Variants in LPIN3 observed in about 807,000 individuals in gnomAD.
LPIN3 encodes the protein lipin 3.
In LPIN3, 82 loss-of-function variants were observed where a neutral mutation model predicts 94.7. The observed-to-expected ratio is 0.87, with a 90% CI of 0.72 to 1.04. The LOEUF (loss-of-function observed/expected upper bound fraction) is 1.04. Among genes scored for constraint, LPIN3 ranks in the 50% least tolerant of loss-of-function variants. LPIN3 has a pLI of 0.00. For missense variants in LPIN3, 996 were observed against 1,090.5 expected, an observed-to-expected ratio of 0.91 and a Z score of 1.22; for synonymous variants, 418 against 443.3, an observed-to-expected ratio of 0.94 and a Z score of 0.72.
At chr20:41,354,250 G>A (rs1348630363) in intron 11 of LPIN3, among the ~76,000 whole-genome samples, 1 of 152,188 alleles carries the variant, frequency 6.6e-6, no homozygotes, top group Non-Finnish European at 1.5e-5. Flanking sequence ...TGGAGGTTGA[G>A]GGGAGTACCA....
At chr20:41,347,501 G>A (rs768701770) in intron 2 of LPIN3, 51 bp from the exon 3 acceptor site, 35 of 1,572,292 alleles carry the variant, frequency 2.2e-5, no homozygotes, top group Admixed American at 1.2e-4. Context: ...GCCTGTGGTC[G>A]GAAGCATGGG....
chr20:41,357,320 C>G, intron 15 of LPIN3, 41 bp from the exon 16 acceptor site: 1 of 1,605,378 alleles, frequency 6.2e-7, no homozygotes, highest in Non-Finnish European at 8.5e-7. Context: ...AGCTGGGCCA[C>G]GTGGAGCTGC....
rs1299812542 is a variant in LPIN3 at position 41,358,376 on chromosome 20, T to C, written c.2307+25T>C. 1.9e-6 allele frequency: 3 copies of C among 1,613,620 alleles called. No homozygotes were observed. In the Admixed American group the frequency reaches 5.0e-5, roughly 27 times the overall value. Reference sequence around the variant, plus strand: ...TGTGAGTGTGTCCCCTCCACTCTGCTGAGCCACCTCTCCCCAGCTGCCTGC... The same window carrying C: ...TGTGAGTGTGTCCCCTCCACTCTGCCGAGCCACCTCTCCCCAGCTGCCTGC... On this transcript the variant is annotated intron_variant, in intron 18 of 19. Coordinates refer to ENST00000373257, the MANE Select transcript of LPIN3 (RefSeq NM_022896.3).
chr20:41,357,753 C>G, intron 16 of LPIN3, 129 bp from the exon 17 acceptor site: 1 of 1,279,378 alleles, frequency 7.8e-7, no homozygotes, highest in East Asian at 2.4e-5. Flanking sequence ...CCGTTCTCTT[C>G]AAGTCCCCTC....
intron 9 of LPIN3, 64 bp from the exon 10 acceptor site, chr20:41,352,542 G>A: frequency 7.1e-7 from 1 of 1,401,124 alleles, no homozygotes; most frequent in Non-Finnish European, 1.0e-6. Context: ...GAGCACCAGG[G>A]GGCTGGGGCA....
At chr20:41,343,061 G>A (rs952423161) in intron 1 of LPIN3, among the ~76,000 whole-genome samples, 1 of 152,126 alleles carries the variant, frequency 6.6e-6, no homozygotes, top group African/African-American at 2.4e-5. Flanking sequence ...CTGGAGCTGC[G>A]GGGGATGAAG....
chr20:41,357,007 A>C (rs1415590397), intron 14 of LPIN3, 33 bp from the exon 15 acceptor site: 1 of 1,599,798 alleles, frequency 6.3e-7, no homozygotes, highest in African/African-American at 1.3e-5. Flanking sequence ...GGCTGTCATC[A>C]ATCACGACAC....
intron 2 of LPIN3, among the ~76,000 whole-genome samples, chr20:41,347,280 C>T (rs181700668): frequency 6.6e-6 from 1 of 152,184 alleles, no homozygotes. Flanking sequence ...AAGACCGAGA[C>T]AGTGACAAGT....
intron 1 of LPIN3, among the ~76,000 whole-genome samples, chr20:41,341,833 C>T (rs372651811): frequency 9.2e-5 from 14 of 152,206 alleles, no homozygotes; most frequent in African/African-American, 2.9e-4. Context: ...AAAAATTAGC[C>T]GGGTGTGGTG....
Position 41,350,369 on chromosome 20 carries a change from G to C in LPIN3, c.1074G>C (p.Gly358=). The stretch of plus-strand genomic sequence containing the variant: ...CTCTGGAGGTTCCAGTTCCCACCGG[G>C]CAGCCAGAGAGGGTCTCCAGGGGGA... ...WATLEVPVPT[G]QPERVSRGKG... The change falls in exon 7 of 20, where the codon GGG becomes GGC. Residue 358 remains glycine, a synonymous_variant. Transcript: ENST00000373257. 1 of 1,583,990 alleles carries C rather than the reference G, an allele frequency of 6.3e-7. No homozygotes were observed. The highest frequency in any genetic ancestry group is 8.6e-7 in the Non-Finnish European group (1 of 1,160,128).
chr20:41,345,155 G>A (rs887178199), intron 1 of LPIN3, among the ~76,000 whole-genome samples: 9 of 152,196 alleles, frequency 5.9e-5, no homozygotes, highest in South Asian at 4.1e-4. Flanking sequence ...AGGCTCCTTC[G>A]TTCCCACTTC....
At position 41,357,887 on chromosome 20, in the gene LPIN3, G is replaced by A; in HGVS notation, c.2045G>A (p.Gly682Glu). 6.2e-7 allele frequency: 1 copy of A among 1,614,052 alleles called. No homozygotes were observed. The highest frequency in any genetic ancestry group is 1.1e-5 in the South Asian group (1 of 91,086). Residue 682 changes from glycine (G) to glutamate (E), a missense_variant, in exon 17 of 20, where the codon GGG (glycine) becomes GAG (glutamate). By Grantham distance (98) the Gly-to-Glu change is moderately conservative. Coordinates refer to ENST00000373257, the MANE Select transcript of LPIN3 (RefSeq NM_022896.3). Reference protein sequence around the residue: ...TSLYHKIQLNGYKFLYCSARA... With the variant: ...TSLYHKIQLNEYKFLYCSARA... ...ACCCTGTCCCCCACTCTCAGAAATG[G>A]GTACAAGTTCCTGTACTGCTCGGCG...
intron 3 of LPIN3, among the ~76,000 whole-genome samples, chr20:41,347,872 G>A (rs905109637): frequency 1.3e-5 from 2 of 152,234 alleles, no homozygotes; most frequent in African/African-American, 4.8e-5. Context: ...TTACTGGGAA[G>A]TTGGGGAAGG....
intron 1 of LPIN3, among the ~76,000 whole-genome samples, chr20:41,342,240 A>G (rs1422604823): frequency 1.3e-5 from 2 of 152,236 alleles, no homozygotes; most frequent in South Asian, 2.1e-4. Context: ...CCATGGTCAC[A>G]GCTAGCAAAT....
chr20:41,349,395 G>A (rs942269512), intron 5 of LPIN3, among the ~76,000 whole-genome samples: 1 of 151,842 alleles, frequency 6.6e-6, no homozygotes, highest in African/African-American at 2.4e-5. Flanking sequence ...AGTGTATACA[G>A]TTCAGTGGCA....
intron 6 of LPIN3, 32 bp from the exon 7 acceptor site, chr20:41,350,023 G>A: frequency 6.4e-7 from 1 of 1,568,942 alleles, no homozygotes. Flanking sequence ...CCTTACCCTG[G>A]CCCACATCTT....
At chr20:41,345,674 G>A in intron 1 of LPIN3, 122 bp from the exon 2 acceptor site, 1 of 1,030,670 alleles carries the variant, frequency 9.7e-7, no homozygotes, top group Non-Finnish European at 1.4e-6. Context: ...TGCCATCTGT[G>A]CAAAGGCACT....
rs766721578 is a variant in LPIN3 at position 41,357,318 on chromosome 20, C to T, written c.1953-43C>T. ...GGCCATCCTGGGGCTGGAGCTGGGC[C>T]ACGTGGAGCTGCCTTGGAGTAACCC... On this transcript the variant is annotated intron_variant, in intron 15 of 19. Transcript: ENST00000373257. 3.1e-6 allele frequency: 5 copies of T among 1,605,772 alleles called. No homozygotes were observed. The Admixed American group carries it at 8.3e-5, about 27-fold the overall frequency.
Position 41,349,133 on chromosome 20 carries a change from T to C in LPIN3, c.599T>C (p.Ile200Thr), listed in dbSNP as rs1382401085. ...EEKSSLQPKDIYPYSDGEWPP... is the reference protein window; with the variant it reads ...EEKSSLQPKDTYPYSDGEWPP... ...AAGTCTTCACTGCAGCCCAAAGACA[T>C]CTACCCCTACTCGGATGGCGAGTGG... Residue 200 changes from isoleucine to threonine, a missense_variant, in exon 5 of 20, where the codon ATC (isoleucine) becomes ACC (threonine). Coordinates refer to ENST00000373257, the MANE Select transcript of LPIN3 (RefSeq NM_022896.3). 1 of 1,614,042 alleles carries C rather than the reference T, an allele frequency of 6.2e-7. No individual in the cohort carries two copies. The highest frequency in any genetic ancestry group is 8.5e-7 in the Non-Finnish European group (1 of 1,180,024).
Sources: gnomAD v4.1 joint callset for allele counts (sites outside exome capture counted in the v4.1 genomes callset) on GRCh38, gnomAD v4.1.1 for gene constraint, MANE v1.5 for transcripts, NCBI Gene and HGNC (gene_info 2026-07-23, HGNC 2026-07-21) for gene names.